The following RBMS3 variants were observed in gnomAD, a reference collection of about 807,000 sequenced individuals.
RBMS3 encodes RNA binding motif single stranded interacting protein 3, also known as RNA-binding motif, single-stranded-interacting protein 3.
A neutral mutation model predicts 66.8 loss-of-function variants in RBMS3; 27 were observed. The ratio of observed to expected loss-of-function variants is 0.40; its 90% CI spans 0.30 to 0.56. RBMS3 has a LOEUF of 0.56. Among genes scored for constraint, RBMS3 ranks in the 20% least tolerant of loss-of-function variants. RBMS3 has a pLI of 0.40. For synonymous variants in RBMS3, 188 were observed against 183.0 expected (o/e 1.03, Z -0.22); for missense variants, 513 against 549.5 (o/e 0.93, Z 0.66).
intron 2 of RBMS3, among the ~76,000 whole-genome samples, chr3:29,480,000 A>T (rs2043076206): frequency 6.6e-6 from 1 of 152,206 alleles, no homozygotes; most frequent in Non-Finnish European, 1.5e-5. Context: ...ACTTTCAGAG[A>T]AAAGAAAAAG....
At chr3:29,576,069 C>T (rs1559481601) in intron 3 of RBMS3, among the ~76,000 whole-genome samples, 1 of 152,062 alleles carries the variant, frequency 6.6e-6, no homozygotes, top group East Asian at 1.9e-4. Flanking sequence ...TGTAGGTGTT[C>T]ATAGGTGTCT....
In RBMS3 at chr3:29,786,117, TAGAAATGTACCTA is replaced by T. The variant is rs549119679; in HGVS notation, c.637+23133_637+23145del. 1.8e-4 allele frequency among the ~76,000 whole-genome samples: 27 copies of T among 146,578 alleles called. No individual in the cohort carries two copies. The South Asian group carries it at 5.7e-3, about 31-fold the overall frequency. ...TAGCTGCAAAAAAAAAAAAAAAACT[TAGAAATGTACCTA>T]AGAACATGAAACACTTCTACAAGGA... On this transcript the variant is annotated intron_variant, in intron 6 of 14. Coordinates refer to ENST00000383767, the MANE Select transcript of RBMS3 (RefSeq NM_001003793.3).
intron 3 of RBMS3, among the ~76,000 whole-genome samples, chr3:29,520,582 A>G (rs868748726): frequency 6.5e-4 from 99 of 152,326 alleles, no homozygotes; most frequent in African/African-American, 2.3e-3. Context: ...ACATAAACTG[A>G]GAAGAAGGAG....
intron 4 of RBMS3, among the ~76,000 whole-genome samples, chr3:29,727,294 A>T (rs1278429667): frequency 1.3e-5 from 2 of 152,238 alleles, no homozygotes; most frequent in Non-Finnish European, 1.5e-5. Context: ...ACCATTCAGG[A>T]CATAGGCATG....
At chr3:29,647,774 A>G (rs2049983913) in intron 4 of RBMS3, among the ~76,000 whole-genome samples, 2 of 152,236 alleles carry the variant, frequency 1.3e-5, no homozygotes, top group Non-Finnish European at 2.9e-5. Context: ...ATGTTGTTTA[A>G]CTAATGTGTG....
intron 2 of RBMS3, among the ~76,000 whole-genome samples, chr3:29,437,323 T>C (rs965169466): frequency 1.3e-5 from 2 of 152,246 alleles, no homozygotes; most frequent in African/African-American, 4.8e-5. Context: ...TATCCATTTC[T>C]GCATAGAATT....
rs1485444780 is a variant in RBMS3 at position 29,424,509 on chromosome 3, G to A, written c.76-10234G>A. On this transcript the variant is annotated intron_variant, in intron 1 of 14. Transcript: ENST00000383767. ...GGGAAGTAGAAGGAAACAGGGATAC[G>A]TGTAGGCTGGACACATTATGGAGTT... Among the ~76,000 whole-genome samples, 16 of 152,298 alleles carry A rather than the reference G, an allele frequency of 1.1e-4. No homozygotes were observed. In the Middle Eastern group the frequency reaches 0.01, roughly 97 times the overall value.
chr3:29,607,095 T>C (rs916827758), intron 4 of RBMS3, among the ~76,000 whole-genome samples: 1 of 151,980 alleles, frequency 6.6e-6, no homozygotes, highest in African/African-American at 2.4e-5. Flanking sequence ...ACATTCTGTG[T>C]GGGTTTCAGA....
chr3:29,586,969 C>T, intron 3 of RBMS3, 145 bp from the exon 4 acceptor site: 1 of 569,032 alleles, frequency 1.8e-6, no homozygotes, highest in Non-Finnish European at 3.1e-6. Context: ...GCATTAAGGA[C>T]CACTAATCTA....
chr3:29,372,909 G>A (rs753207501), intron 1 of RBMS3, among the ~76,000 whole-genome samples: 5 of 150,894 alleles, frequency 3.3e-5, no homozygotes, highest in Admixed American at 6.6e-5. Context: ...AAGAAAAAAC[G>A]CCTTGAAACC....
chr3:29,319,146 T>C (rs1351530443), intron 1 of RBMS3, among the ~76,000 whole-genome samples: 1 of 151,906 alleles, frequency 6.6e-6, no homozygotes, highest in Admixed American at 6.6e-5. Context: ...GATGATAAAC[T>C]AGGAAGTATA....
chr3:29,974,553 T>C (rs905729067), intron 12 of RBMS3, among the ~76,000 whole-genome samples: 1 of 151,700 alleles, frequency 6.6e-6, no homozygotes, highest in African/African-American at 2.4e-5. Flanking sequence ...CATCAACATA[T>C]AAAAGGGTCT....
chr3:29,481,313 A>G (rs956344155), intron 2 of RBMS3, among the ~76,000 whole-genome samples: 3 of 152,208 alleles, frequency 2.0e-5, no homozygotes, highest in Non-Finnish European at 2.9e-5. Flanking sequence ...CCAAAATCTG[A>G]AAGCCACTTA....
rs184296180 is a variant in RBMS3 at position 29,650,870 on chromosome 3, A to C, written c.399+63665A>C. Among the ~76,000 whole-genome samples the C allele has an allele frequency of 2.0e-5, 3 of 152,306 alleles. No individual in the cohort carries two copies. The East Asian group carries it at 5.8e-4, about 29-fold the overall frequency. The stretch of plus-strand genomic sequence containing the variant: ...TTGTATGGAAAATCTAAGGGTCTTA[A>C]CCACATTTCAGGAATTTAATTAATA... On this transcript the variant is annotated intron_variant, in intron 4 of 14. Transcript: ENST00000383767.
At chr3:29,983,234 G>GC (rs1326487658) in intron 12 of RBMS3, among the ~76,000 whole-genome samples, 3 of 94,100 alleles carry the variant, frequency 3.2e-5, no homozygotes, top group Non-Finnish European at 6.4e-5. Flanking sequence ...TGCAACCCCC[G>GC]CCCCCTTTTT....
At position 29,799,293 on chromosome 3, in the gene RBMS3, T is replaced by A. The variant is rs531867597; in HGVS notation, c.637+36304T>A. On this transcript the variant is annotated intron_variant, in intron 6 of 14. Transcript: ENST00000383767. ...CAAACTGTCAAGCCTTTCACTTTTTTCTGAGTTGTCTGAGTGACAGGATAT... is the reference window on the plus strand; with the variant it reads ...CAAACTGTCAAGCCTTTCACTTTTTACTGAGTTGTCTGAGTGACAGGATAT... 1.2e-3 allele frequency among the ~76,000 whole-genome samples: 184 copies of A among 152,340 alleles called. 1 individual carries two copies. The highest frequency in any genetic ancestry group is 4.3e-3 in the African/African-American group (178 of 41,584).
Position 29,660,221 on chromosome 3 carries a change from A to G in RBMS3, c.399+73016A>G, listed in dbSNP as rs572559774. 2.0e-4 allele frequency among the ~76,000 whole-genome samples: 30 copies of G among 151,896 alleles called. No individual in the cohort carries two copies. The East Asian group carries it at 5.8e-3, about 29-fold the overall frequency. ...GTCTTTTTTTTACTTCATATATTTG[A>G]TGGTCTGTTATTATGTGCATAAAAG... On this transcript the variant is annotated intron_variant, in intron 4 of 14. Transcript: ENST00000383767.
At chr3:29,587,238 T>TTTTTG in intron 4 of RBMS3, 33 bp downstream of exon 4, 1 of 819,018 alleles carries the variant, frequency 1.2e-6, no homozygotes, top group Non-Finnish European at 1.7e-6. Context: ...TTTTTTTTTT[T>TTTTTG]TTTTTTTTTT....
At chr3:29,446,510 G>A (rs2041836723) in intron 2 of RBMS3, among the ~76,000 whole-genome samples, 1 of 151,816 alleles carries the variant, frequency 6.6e-6, no homozygotes. Flanking sequence ...TAGTACACTG[G>A]TATATTTTAC....
Sources: allele counts gnomAD v4.1 joint callset (sites outside exome capture counted in the v4.1 genomes callset), GRCh38; gene constraint gnomAD v4.1.1; transcripts MANE v1.5; gene names NCBI Gene and HGNC (gene_info 2026-07-23, HGNC 2026-07-21).